PCGF5: variants seen among roughly 807,000 people sequenced by gnomAD.
PCGF5 encodes the protein polycomb group RING finger protein 5.
A neutral mutation model predicts 44.3 loss-of-function variants in PCGF5; 9 were observed. The observed-to-expected ratio is 0.20, with a 90% CI of 0.12 to 0.35. PCGF5 has a LOEUF of 0.35. PCGF5 is among the 10% of genes least tolerant of loss of function. The probability of loss-of-function intolerance (pLI) is 1.00; values close to 1 mark genes in which losing one functional copy is unlikely to be tolerated. For missense variants in PCGF5, 146 were observed against 305.3 expected (o/e 0.48, Z 3.89); for synonymous variants, 95 against 102.5 (o/e 0.93, Z 0.44).
At chr10:91,239,768 A>G (rs1845274395) in intron 2 of PCGF5, among the ~76,000 whole-genome samples, 1 of 152,160 alleles carries the variant, frequency 6.6e-6, no homozygotes, top group African/African-American at 2.4e-5. Flanking sequence ...TTTGTAGGAA[A>G]TGTGGGCTGT....
At chr10:91,251,553 C>G in intron 6 of PCGF5, 113 bp downstream of exon 6, 1 of 1,009,378 alleles carries the variant, frequency 9.9e-7, no homozygotes, top group Non-Finnish European at 1.5e-6. Flanking sequence ...TTTTAATTAA[C>G]ATAATTAAAT....
At chr10:91,199,267 G>C (rs963044102) in intron 1 of PCGF5, among the ~76,000 whole-genome samples, 4 of 152,180 alleles carry the variant, frequency 2.6e-5, no homozygotes, top group Non-Finnish European at 5.9e-5. Context: ...GTGTAGTTTT[G>C]TATCCAGGAT....
intron 1 of PCGF5, among the ~76,000 whole-genome samples, chr10:91,184,917 G>A (rs1843891181): frequency 6.6e-6 from 1 of 152,182 alleles, no homozygotes; most frequent in Non-Finnish European, 1.5e-5. Context: ...TTATGGACCT[G>A]TTGCCAGCCT....
intron 1 of PCGF5, among the ~76,000 whole-genome samples, chr10:91,168,847 G>T (rs113533572): frequency 3.2e-4 from 44 of 135,926 alleles, no homozygotes; most frequent in African/African-American, 1.2e-3. Flanking sequence ...AGAATCACAT[G>T]AATCTGGGAG....
chr10:91,264,012 G>A (rs1845987674), intron 7 of PCGF5, among the ~76,000 whole-genome samples: 1 of 152,186 alleles, frequency 6.6e-6, no homozygotes. Flanking sequence ...TCAGGAAGGT[G>A]AAAGAATTCT....
rs1589380563 is a variant in PCGF5, at chr10:91,227,701, G to A, written c.112+4718G>A. On this transcript the variant is annotated intron_variant, in intron 2 of 9. Coordinates refer to ENST00000336126, the MANE Select transcript of PCGF5 (RefSeq NM_032373.5). ...CCCTAAAATTTCCTAAAGGTATCCC[G>A]TTGACCTCAGGATACATTAAAGCTA... 8.6e-6 allele frequency: 9 copies of A among 1,048,088 alleles called. No homozygotes were observed. In the South Asian group the frequency reaches 9.3e-5, roughly 11 times the overall value. 64.9% of individuals were successfully genotyped at this position (1,048,088 alleles called of 1,614,324 possible). A position where few individuals can be genotyped will look rare whatever the true frequency, so the allele number is the denominator to read the frequency against.
At chr10:91,216,670 G>A (rs1225519938), upstream of PCGF5, among the ~76,000 whole-genome samples, 1 of 152,146 alleles carries the variant, frequency 6.6e-6, no homozygotes, top group African/African-American at 2.4e-5. Flanking sequence ...GAACAGGGTG[G>A]CTAAACAGAG....
At chr10:91,224,554 A>T (rs913612862) in intron 2 of PCGF5, among the ~76,000 whole-genome samples, 3 of 152,198 alleles carry the variant, frequency 2.0e-5, no homozygotes, top group African/African-American at 7.2e-5. Flanking sequence ...ACAATTGTAG[A>T]TAGGAGACAT....
intron 6 of PCGF5, among the ~76,000 whole-genome samples, chr10:91,260,303 G>T (rs1845865980): frequency 6.6e-6 from 1 of 152,110 alleles, no homozygotes; most frequent in African/African-American, 2.4e-5. Context: ...TAAAAAGTCA[G>T]GAAACAACAG....
chr10:91,197,289 T>G (rs1844152960), intron 1 of PCGF5, among the ~76,000 whole-genome samples: 1 of 152,092 alleles, frequency 6.6e-6, no homozygotes, highest in Non-Finnish European at 1.5e-5. Context: ...ATGTCCTGGG[T>G]CTAGTCTGAG....
chr10:91,273,403 T>A (rs185124839), intron 9 of PCGF5, among the ~76,000 whole-genome samples: 1 of 152,236 alleles, frequency 6.6e-6, no homozygotes, highest in African/African-American at 2.4e-5. Flanking sequence ...GAAATGAAGA[T>A]GTCCTTAAAC....
chr10:91,248,812 C>A, intron 5 of PCGF5, 88 bp downstream of exon 5: 3 of 1,131,172 alleles, frequency 2.7e-6, no homozygotes, highest in South Asian at 1.4e-5. Context: ...TCTCTTCAGG[C>A]TCACATTTTT....
chr10:91,215,935 A>G (rs1243308630), upstream of PCGF5, among the ~76,000 whole-genome samples: 1 of 152,262 alleles, frequency 6.6e-6, no homozygotes, highest in African/African-American at 2.4e-5. Context: ...ATTATGCCTT[A>G]ACACATCCTT....
intron 6 of PCGF5, among the ~76,000 whole-genome samples, chr10:91,256,950 A>C (rs546519364): frequency 1.3e-5 from 2 of 152,234 alleles, no homozygotes; most frequent in South Asian, 4.1e-4. Context: ...AAAGAAAAGA[A>C]ATAGATAAAT....
chr10:91,217,096 C>T (rs1435915653), upstream of PCGF5, among the ~76,000 whole-genome samples: 3 of 152,008 alleles, frequency 2.0e-5, no homozygotes, highest in Non-Finnish European at 4.4e-5. Context: ...TGCAGTGGCA[C>T]GATCTTGGCT....
intron 7 of PCGF5, among the ~76,000 whole-genome samples, chr10:91,262,546 G>A (rs140595926): frequency 5.3e-5 from 8 of 152,272 alleles, no homozygotes; most frequent in Non-Finnish European, 7.4e-5. Context: ...ATATCATGAA[G>A]AGTCATCATA....
chr10:91,202,749 T>C (rs1324080173), intron 1 of PCGF5, among the ~76,000 whole-genome samples: 1 of 152,192 alleles, frequency 6.6e-6, no homozygotes, highest in East Asian at 1.9e-4. Flanking sequence ...TTCTTAATGT[T>C]GGGGCAAGGG....
At position 91,222,902 on chromosome 10, in the gene PCGF5, G is replaced by A. The variant is rs1844720291; in HGVS notation, c.31G>A (p.Asp11Asn). MATQRKHLVKDFNPYITCYIC... is the reference protein window; with the variant it reads MATQRKHLVKNFNPYITCYIC... ...TACCCAAAGGAAACACTTGGTGAAA[G>A]ATTTTAATCCTTACATTACCTGCTA... The change falls in exon 2 of 10, where the codon GAT (aspartate) becomes AAT (asparagine). Residue 11 changes from aspartate to asparagine, a missense_variant. Transcript: ENST00000336126. 6.2e-7 allele frequency: 1 copy of A among 1,613,382 alleles called. No homozygotes were observed. The highest frequency in any genetic ancestry group is 1.7e-5 in the Admixed American group (1 of 59,990).
At chr10:91,238,850 A>G (rs1845250460) in intron 2 of PCGF5, among the ~76,000 whole-genome samples, 1 of 151,698 alleles carries the variant, frequency 6.6e-6, no homozygotes. Flanking sequence ...ATTGTACATA[A>G]TAGCTCTAGG....
Sources: gnomAD v4.1 joint callset for allele counts (sites outside exome capture counted in the v4.1 genomes callset) on GRCh38, gnomAD v4.1.1 for gene constraint, MANE v1.5 for transcripts, NCBI Gene and HGNC (gene_info 2026-07-23, HGNC 2026-07-21) for gene names.